The following GABRG3 variants were observed in gnomAD, a reference collection of about 807,000 sequenced individuals.
GABRG3 encodes the protein gamma-aminobutyric acid receptor subunit gamma-3.
Under a neutral mutation model 48.8 loss-of-function variants are expected in GABRG3, and 25 were observed. The ratio of observed to expected loss-of-function variants is 0.51; its 90% confidence interval spans 0.37 to 0.72. The LOEUF (loss-of-function observed/expected upper bound fraction) is 0.72, where lower values mean the gene tolerates loss of function less well. Among genes scored for constraint, GABRG3 ranks in the 30% least tolerant of loss-of-function variants. The probability of loss-of-function intolerance (pLI) is 0.00; values close to 1 mark genes in which losing one functional copy is unlikely to be tolerated. For synonymous variants in GABRG3, 227 were observed against 217.6 expected (o/e 1.04, Z -0.38); for missense variants, 394 against 577.9 (o/e 0.68, Z 3.26).
intron 5 of GABRG3, among the ~76,000 whole-genome samples, chr15:27,382,085 A>G (rs527926128): frequency 6.6e-6 from 1 of 152,326 alleles, no homozygotes; most frequent in African/African-American, 2.4e-5. Flanking sequence ...ATAAAACTTC[A>G]TTAAAGATCA....
chr15:27,231,649 T>C (rs1202031006), intron 3 of GABRG3, among the ~76,000 whole-genome samples: 1 of 152,220 alleles, frequency 6.6e-6, no homozygotes, highest in African/African-American at 2.4e-5. Context: ...AAGGCTGACA[T>C]CCTAGAAAAT....
At chr15:27,513,880 A>G (rs531287258) in intron 6 of GABRG3, among the ~76,000 whole-genome samples, 28 of 152,376 alleles carry the variant, frequency 1.8e-4, no homozygotes, top group Non-Finnish European at 3.5e-4. Context: ...AGAAATATAC[A>G]TGTATCAAGA....
At chr15:27,107,322 T>C (rs922933088) in intron 3 of GABRG3, among the ~76,000 whole-genome samples, 1 of 152,016 alleles carries the variant, frequency 6.6e-6, no homozygotes, top group African/African-American at 2.4e-5. Context: ...AATCGTATGG[T>C]TTTTCTTATT....
At chr15:27,156,802 C>T (rs1326028672) in intron 3 of GABRG3, among the ~76,000 whole-genome samples, 1 of 152,182 alleles carries the variant, frequency 6.6e-6, no homozygotes, top group Non-Finnish European at 1.5e-5. Flanking sequence ...GCAATAGGGC[C>T]ATGAACATTT....
Position 27,112,414 on chromosome 15 carries a change from G to A in GABRG3, c.270+85593G>A, listed in dbSNP as rs991985063. On this transcript the variant is annotated intron_variant, in intron 3 of 9. Transcript: ENST00000615808. ...TCTTTTTTATTTTCCCCTTAACCCC[G>A]TATCTTCAGCATTTACTTATTTCAT... Among the ~76,000 whole-genome samples the A allele has an allele frequency of 2.0e-5, 3 of 149,106 alleles. No homozygotes were observed. The East Asian group carries it at 5.9e-4, about 29-fold the overall frequency.
At chr15:27,453,797 TCAC>T (rs1400563404) in intron 5 of GABRG3, among the ~76,000 whole-genome samples, 1 of 152,200 alleles carries the variant, frequency 6.6e-6, no homozygotes, top group Non-Finnish European at 1.5e-5. Flanking sequence ...TGGCAGGGTT[TCAC>T]CATGCTGCCC....
At chr15:26,980,158 A>T (rs961915603) in intron 2 of GABRG3, among the ~76,000 whole-genome samples, 1 of 152,050 alleles carries the variant, frequency 6.6e-6, no homozygotes, top group African/African-American at 2.4e-5. Context: ...GACCTATAAT[A>T]ATATCCCTGC....
In GABRG3 at chr15:27,540,372, C is replaced by G. The variant is rs1243729111; in HGVS notation, c.*7491C>G. 2.6e-5 allele frequency: 4 copies of G among 152,052 alleles called. No individual in the cohort carries two copies. Among genetic ancestry groups the G allele is most frequent in the Non-Finnish European group, 4.4e-5 (3 of 68,030 alleles). 9.4% of individuals were successfully genotyped at this position (152,052 alleles called of 1,614,324 possible). ...TCTTTTTTCACTAAAATACATGCAT[C>G]TTTGGAAACTGCAAATTTTGTGAGC... is the stretch of plus-strand genomic sequence containing the variant. On this transcript the variant is annotated 3_prime_UTR_variant, in exon 10 of 10. Coordinates refer to ENST00000615808, the MANE Select transcript of GABRG3 (RefSeq NM_033223.5).
chr15:27,109,246 C>T (rs781412978), intron 3 of GABRG3, among the ~76,000 whole-genome samples: 6 of 152,092 alleles, frequency 3.9e-5, no homozygotes, highest in Non-Finnish European at 5.9e-5. Flanking sequence ...AGAGAGTTCC[C>T]ATAGAGTCCT....
intron 3 of GABRG3, among the ~76,000 whole-genome samples, chr15:27,081,740 C>T (rs1484542783): frequency 2.6e-5 from 4 of 152,196 alleles, no homozygotes; most frequent in African/African-American, 4.8e-5. Context: ...CCAGAACCAG[C>T]GGCTGAGAGC....
At chr15:27,174,115 T>C (rs1208198044) in intron 3 of GABRG3, among the ~76,000 whole-genome samples, 2 of 152,066 alleles carry the variant, frequency 1.3e-5, no homozygotes, top group East Asian at 3.9e-4. Flanking sequence ...CGAATGGCAA[T>C]GTTATTTTAC....
chr15:27,462,844 GT>G (rs1319958527), intron 5 of GABRG3, among the ~76,000 whole-genome samples: 1 of 152,108 alleles, frequency 6.6e-6, no homozygotes, highest in African/African-American at 2.4e-5. Context: ...AAAATAATTT[GT>G]TAAATAAACA....
rs894777338 is a variant in GABRG3, at chr15:27,013,170, C to T, written c.203-13584C>T. 6.6e-5 allele frequency among the ~76,000 whole-genome samples: 10 copies of T among 152,108 alleles called. No homozygotes were observed. The East Asian group carries it at 9.6e-4, about 15-fold the overall frequency. On this transcript the variant is annotated intron_variant, in intron 2 of 9. Transcript: ENST00000615808. ...CATATGAGTGGAATCTTAACATATT[C>T]GTCCTTTTATACTTGGCTTATTTCA...
At chr15:27,175,110 C>T (rs1472540667) in intron 3 of GABRG3, among the ~76,000 whole-genome samples, 1 of 152,132 alleles carries the variant, frequency 6.6e-6, no homozygotes, top group African/African-American at 2.4e-5. Flanking sequence ...TGTGAGGTCT[C>T]CCTGGCATGT....
chr15:26,983,167 A>C (rs1895084755), intron 2 of GABRG3, among the ~76,000 whole-genome samples: 1 of 149,884 alleles, frequency 6.7e-6, no homozygotes, highest in Non-Finnish European at 1.5e-5. Flanking sequence ...TTTTTTTTTC[A>C]AATCTAGCCA....
chr15:27,210,733 G>T (rs896783437), intron 3 of GABRG3, among the ~76,000 whole-genome samples: 1 of 152,214 alleles, frequency 6.6e-6, no homozygotes. Context: ...TGTTCCCACA[G>T]CTCTGAAAAG....
intron 5 of GABRG3, among the ~76,000 whole-genome samples, chr15:27,446,614 A>T (rs2140637698): frequency 6.6e-6 from 1 of 152,228 alleles, no homozygotes; most frequent in Non-Finnish European, 1.5e-5. Flanking sequence ...TGTTTAATTA[A>T]TCTTATGTAT....
chr15:27,088,215 A>G (rs1211339990), intron 3 of GABRG3, among the ~76,000 whole-genome samples: 3 of 132,168 alleles, frequency 2.3e-5, no homozygotes, highest in South Asian at 5.3e-4. Context: ...CGTTTGTTAG[A>G]TGGGCGCCGC....
chr15:27,092,018 C>T (rs898716605), intron 3 of GABRG3, among the ~76,000 whole-genome samples: 1 of 152,206 alleles, frequency 6.6e-6, no homozygotes, highest in African/African-American at 2.4e-5. Context: ...CCTGCTCCAC[C>T]ACTTTTGCTG....
Sources: allele counts gnomAD v4.1 joint callset (sites outside exome capture counted in the v4.1 genomes callset), GRCh38; gene constraint gnomAD v4.1.1; transcripts MANE v1.5; gene names NCBI Gene and HGNC (gene_info 2026-07-23, HGNC 2026-07-21).